The following TRIM58 variants were observed in gnomAD, a reference collection of about 807,000 sequenced individuals.
The protein encoded by TRIM58 is tripartite motif containing 58.
In TRIM58, 38 loss-of-function variants were observed where a neutral mutation model predicts 34.1. That is an observed-to-expected ratio of 1.12 (90% confidence interval 0.86 to 1.46). The LOEUF (loss-of-function observed/expected upper bound fraction) is 1.46. TRIM58 is among the 40% of genes most tolerant of loss of function. The probability of loss-of-function intolerance (pLI) is 0.00; values close to 1 mark genes in which losing one functional copy is unlikely to be tolerated. For missense variants in TRIM58, 677 were observed against 642.0 expected (o/e 1.05, Z -0.59); for synonymous variants, 273 against 275.7 (o/e 0.99, Z 0.10).
intron 3 of TRIM58, among the ~76,000 whole-genome samples, chr1:247,867,195 A>G (rs961601416): frequency 6.6e-6 from 1 of 152,148 alleles, no homozygotes; most frequent in African/African-American, 2.4e-5. Context: ...ATTTAGGGAA[A>G]CATTTTGTGT....
intron 2 of TRIM58, among the ~76,000 whole-genome samples, chr1:247,864,263 C>T (rs571225043): frequency 6.6e-6 from 1 of 152,198 alleles, no homozygotes; most frequent in East Asian, 1.9e-4. Flanking sequence ...CCACCTCAGC[C>T]TTGTGGGTAG....
intron 1 of TRIM58, among the ~76,000 whole-genome samples, chr1:247,858,735 A>G (rs1030410571): frequency 6.7e-6 from 1 of 148,534 alleles, no homozygotes; most frequent in South Asian, 2.1e-4. Context: ...AAAGTCCAGA[A>G]AGAGGATTGG....
chr1:247,876,364 C>T lies in TRIM58; in HGVS notation c.1336C>T (p.Pro446Ser), dbSNP rs1339546897. The change falls in exon 6 of 6, where the codon CCT (proline) becomes TCT (serine). Residue 446 changes from proline to serine, a missense_variant. Transcript: ENST00000366481. The part of the protein sequence containing the change: ...FNQLFSGLLR[P>S]YFFICDATPL... ...CCAACTCTTCTCTGGTCTTCTTCGG[C>T]CTTACTTTTTCATCTGTGATGCAAC... 1.2e-6 allele frequency: 2 copies of T among 1,614,080 alleles called. No individual in the cohort carries two copies. The highest frequency in any genetic ancestry group is 1.7e-5 in the Admixed American group (1 of 59,992).
At chr1:247,872,989 G>C (rs953061643) in intron 5 of TRIM58, among the ~76,000 whole-genome samples, 5 of 152,204 alleles carry the variant, frequency 3.3e-5, no homozygotes, top group Admixed American at 2.6e-4. Context: ...CCTGCACTTT[G>C]GGAGGCCGAG....
intron 2 of TRIM58, among the ~76,000 whole-genome samples, chr1:247,862,119 A>T (rs1170416372): frequency 6.6e-6 from 1 of 152,054 alleles, no homozygotes; most frequent in Non-Finnish European, 1.5e-5. Context: ...CAAGAGTGAA[A>T]CTCTGTCTCA....
Position 247,860,607 on chromosome 1 carries a change from T to A in TRIM58, c.421-10T>A, listed in dbSNP as rs747991855. Reference sequence around the variant, plus strand: ...AGGGCATCTGTAACAGCTGAAATGTTCCCAAACAGGTAAAGCTCCAGATGG... The same window carrying A: ...AGGGCATCTGTAACAGCTGAAATGTACCCAAACAGGTAAAGCTCCAGATGG... On this transcript the variant is annotated splice_polypyrimidine_tract_variant and intron_variant, in intron 1 of 5. Transcript: ENST00000366481. The A allele has an allele frequency of 3.7e-6, 6 of 1,609,782 alleles. No homozygotes were observed. The highest frequency in any genetic ancestry group is 5.1e-6 in the Non-Finnish European group (6 of 1,176,756).
At position 247,879,084 on chromosome 1, in the gene TRIM58, A is replaced by G. The variant is rs192181631; in HGVS notation, c.*2595A>G. 8.6e-3 allele frequency among the ~76,000 whole-genome samples: 1,314 copies of G among 151,918 alleles called. 6 individuals are homozygous for G. The highest frequency in any genetic ancestry group is 0.014 in the Non-Finnish European group (934 of 68,018). ...ATATTCAGCTGTCCACTTGACATCA[A>G]AATAGACATTTTGAACTCAATTTGC... On this transcript the variant is annotated 3_prime_UTR_variant, in exon 6 of 6. Coordinates refer to ENST00000366481, the MANE Select transcript of TRIM58 (RefSeq NM_015431.4).
At chr1:247,869,282 C>T (rs1295419493) in intron 5 of TRIM58, among the ~76,000 whole-genome samples, 1 of 152,126 alleles carries the variant, frequency 6.6e-6, no homozygotes, top group Non-Finnish European at 1.5e-5. Flanking sequence ...TTTACCAACC[C>T]ACCCTTAAGC....
At chr1:247,867,301 T>A (rs1663952696) in intron 3 of TRIM58, among the ~76,000 whole-genome samples, 1 of 152,228 alleles carries the variant, frequency 6.6e-6, no homozygotes, top group South Asian at 2.1e-4. Context: ...TGCAGAATGT[T>A]ACTCTGTTAC....
chr1:247,857,630 C>A lies in TRIM58; in HGVS notation c.384C>A (p.Arg128=). ...CDAGPEHRTH[R]TAPLQEAAGS... Reference sequence around the variant, plus strand: ...CCGGCCCCGAGCACAGGACGCACCGCACGGCGCCGCTGCAGGAGGCCGCCG... The same window carrying A: ...CCGGCCCCGAGCACAGGACGCACCGAACGGCGCCGCTGCAGGAGGCCGCCG... The change falls in exon 1 of 6, where the codon CGC becomes CGA. Residue 128 remains arginine, a synonymous_variant. Coordinates refer to ENST00000366481, the MANE Select transcript of TRIM58 (RefSeq NM_015431.4). 3 of 1,241,440 alleles carry A rather than the reference C, an allele frequency of 2.4e-6. No individual in the cohort carries two copies. Among genetic ancestry groups the A allele is most frequent in the Non-Finnish European group, 3.0e-6 (3 of 993,646 alleles). The allele number at this position is 1,241,440 out of a possible 1,614,324, so 76.9% of individuals were successfully genotyped here. A position where few individuals can be genotyped will look rare whatever the true frequency, so the allele number is the denominator to read the frequency against.
chr1:247,871,896 T>C (rs569498995), intron 5 of TRIM58, among the ~76,000 whole-genome samples: 5 of 152,286 alleles, frequency 3.3e-5, no homozygotes, highest in African/African-American at 1.2e-4. Flanking sequence ...AATGAGAAGT[T>C]CTAGTTTTGA....
chr1:247,879,269 C>T lies in TRIM58; in HGVS notation c.*2780C>T, dbSNP rs1659357363. 6.6e-6 allele frequency among the ~76,000 whole-genome samples: 1 copy of T among 152,172 alleles called. No individual in the cohort carries two copies. Among genetic ancestry groups the T allele is most frequent in the Non-Finnish European group, 1.5e-5 (1 of 68,036 alleles). On this transcript the variant is annotated 3_prime_UTR_variant, in exon 6 of 6. Coordinates refer to ENST00000366481, the MANE Select transcript of TRIM58 (RefSeq NM_015431.4). Reference sequence around the variant, plus strand: ...TTGATTTCTCCAGCCCACATCCAGTCCATCGGCAAGCCCTGTTGGTCCTAC... The same window carrying T: ...TTGATTTCTCCAGCCCACATCCAGTTCATCGGCAAGCCCTGTTGGTCCTAC...
chr1:247,858,387 CTGG>C (rs1467952645), intron 1 of TRIM58, among the ~76,000 whole-genome samples: 3 of 152,180 alleles, frequency 2.0e-5, no homozygotes, highest in Non-Finnish European at 4.4e-5. Flanking sequence ...TTTCTTCCTA[CTGG>C]TGCCCTTCAA....
intron 2 of TRIM58, among the ~76,000 whole-genome samples, chr1:247,862,044 C>T (rs1256175465): frequency 6.6e-6 from 1 of 152,144 alleles, no homozygotes; most frequent in South Asian, 2.1e-4. Flanking sequence ...AGGAGAATTG[C>T]TTGAACCTAG....
At position 247,875,934 on chromosome 1, in the gene TRIM58, G is replaced by A. The variant is rs769728891; in HGVS notation, c.906G>A (p.Pro302=). The part of the protein sequence containing the change: ...DVKLDPATAH[P]SLLLTADLRS... ...AGCTGGATCCCGCCACGGCGCACCCGAGTCTGCTCTTGACCGCCGACCTGC... is the reference window on the plus strand; with the variant it reads ...AGCTGGATCCCGCCACGGCGCACCCAAGTCTGCTCTTGACCGCCGACCTGC... The change falls in exon 6 of 6, where the codon CCG becomes CCA. Residue 302 remains proline (P), a synonymous_variant. Transcript: ENST00000366481. 37 of 1,613,702 alleles carry A rather than the reference G, an allele frequency of 2.3e-5. 1 individual carries two copies. The South Asian group carries it at 3.1e-4, about 13-fold the overall frequency.
chr1:247,865,229 A>C (rs1663893530), intron 3 of TRIM58, among the ~76,000 whole-genome samples: 1 of 152,174 alleles, frequency 6.6e-6, no homozygotes, highest in South Asian at 2.1e-4. Flanking sequence ...AAGGAAATCG[A>C]GACCTTCCTG....
chr1:247,871,318 T>G (rs578034448), intron 5 of TRIM58, among the ~76,000 whole-genome samples: 2 of 152,222 alleles, frequency 1.3e-5, no homozygotes, highest in African/African-American at 4.8e-5. Flanking sequence ...GAGAATTTGA[T>G]GAGTTGCTTG....
chr1:247,871,529 G>A (rs1180984571), intron 5 of TRIM58, among the ~76,000 whole-genome samples: 1 of 152,174 alleles, frequency 6.6e-6, no homozygotes, highest in Non-Finnish European at 1.5e-5. Flanking sequence ...TCACTACTTA[G>A]AGGGAAAGAG....
rs964960522 is a variant in TRIM58, at chr1:247,876,706, C to G, written c.*217C>G. 1 of 532,940 alleles carries G rather than the reference C, an allele frequency of 1.9e-6. No individual in the cohort carries two copies. Among genetic ancestry groups the G allele is most frequent in the Admixed American group, 3.6e-5 (1 of 28,010 alleles). The allele number at this position is 532,940 out of a possible 1,614,324, so 33.0% of individuals were successfully genotyped here. ...ATTTTGTAAATGGAGCAATCTCAAC[C>G]TCTATTTCTAGATCACATTTTCTTG... On this transcript the variant is annotated 3_prime_UTR_variant, in exon 6 of 6. Coordinates refer to ENST00000366481, the MANE Select transcript of TRIM58 (RefSeq NM_015431.4).
Sources: allele counts gnomAD v4.1 joint callset (sites outside exome capture counted in the v4.1 genomes callset), GRCh38; gene constraint gnomAD v4.1.1; transcripts MANE v1.5; gene names NCBI Gene and HGNC (gene_info 2026-07-23, HGNC 2026-07-21).